The following SGCD variants were observed in gnomAD, a reference collection of about 807,000 sequenced individuals.
The protein encoded by SGCD is delta-sarcoglycan.
Under a neutral mutation model 36.6 loss-of-function variants are expected in SGCD, and 18 were observed. That is an observed-to-expected ratio of 0.49 (90% CI 0.34 to 0.73). The LOEUF is 0.73. Ranked by LOEUF, SGCD falls within the 30% of genes least tolerant of loss-of-function variation. SGCD has a pLI of 0.01. For synonymous variants in SGCD, 133 were observed against 130.6 expected (o/e 1.02, Z -0.12); for missense variants, 387 against 346.7 (o/e 1.12, Z -0.92).
chr5:156,396,957 C>T (rs1441395367), intron 3 of SGCD, among the ~76,000 whole-genome samples: 1 of 152,222 alleles, frequency 6.6e-6, no homozygotes, highest in Non-Finnish European at 1.5e-5. Flanking sequence ...GGTCCTACTG[C>T]CTCTCAGAAA....
intron 3 of SGCD, among the ~76,000 whole-genome samples, chr5:156,153,754 G>A (rs1256233246): frequency 6.6e-6 from 1 of 151,518 alleles, no homozygotes; most frequent in Non-Finnish European, 1.5e-5. Context: ...AGCTACACGT[G>A]GAAATCAATA....
intron 2 of SGCD, among the ~76,000 whole-genome samples, chr5:156,119,445 G>T (rs1342149734): frequency 6.6e-6 from 1 of 151,974 alleles, no homozygotes; most frequent in Non-Finnish European, 1.5e-5. Flanking sequence ...ACACATATTG[G>T]GAAGCATTGT....
intron 3 of SGCD, among the ~76,000 whole-genome samples, chr5:156,451,405 C>G (rs1474316289): frequency 6.6e-6 from 1 of 152,144 alleles, no homozygotes; most frequent in Non-Finnish European, 1.5e-5. Flanking sequence ...TATGTTCAGA[C>G]AGTCCCCAGG....
At chr5:155,947,993 C>G (rs1235814828) in intron 1 of SGCD, among the ~76,000 whole-genome samples, 1 of 152,056 alleles carries the variant, frequency 6.6e-6, no homozygotes, top group African/African-American at 2.4e-5. Context: ...GTTTAAAGTT[C>G]TAGCCTGGCA....
intron 4 of SGCD, among the ~76,000 whole-genome samples, chr5:156,562,348 G>A (rs994023068): frequency 1.2e-4 from 19 of 152,256 alleles, no homozygotes; most frequent in Admixed American, 1.2e-3. Context: ...ATTTAAGCAA[G>A]CACATGAAGG....
intron 2 of SGCD, among the ~76,000 whole-genome samples, chr5:156,339,987 T>C (rs1416859705): frequency 6.6e-6 from 1 of 152,226 alleles, no homozygotes; most frequent in Non-Finnish European, 1.5e-5. Flanking sequence ...GAAAGATAAT[T>C]ATTTTTATGG....
chr5:156,262,212 A>G (rs1457270543), intron 3 of SGCD, among the ~76,000 whole-genome samples: 2 of 152,098 alleles, frequency 1.3e-5, no homozygotes, highest in African/African-American at 2.4e-5. Flanking sequence ...TGCAAGCTCC[A>G]TTCATGGGAA....
At chr5:156,222,002 G>A (rs1202810600) in intron 3 of SGCD, among the ~76,000 whole-genome samples, 2 of 152,016 alleles carry the variant, frequency 1.3e-5, no homozygotes, top group Admixed American at 6.6e-5. Context: ...TTGTTTACAT[G>A]AACTGGATGT....
intron 7 of SGCD, among the ~76,000 whole-genome samples, chr5:156,753,487 G>A (rs1268619543): frequency 6.6e-6 from 1 of 152,200 alleles, no homozygotes; most frequent in African/African-American, 2.4e-5. Flanking sequence ...CTTCAGGAGT[G>A]ATGCTCTCTG....
Position 156,053,014 on chromosome 5 carries a change from G to A in SGCD, c.-281-64864G>A, listed in dbSNP as rs112658507. Among the ~76,000 whole-genome samples, 371 of 146,300 alleles carry A rather than the reference G, an allele frequency of 2.5e-3. 21 individuals carry two copies. The highest frequency in any genetic ancestry group is 8.9e-3 in the African/African-American group (361 of 40,734). ...TCCCTTCCCACAGGTCCACTGCCTC[G>A]TCCACAGCAAACAGGCAACCCCCAA... On this transcript the variant is annotated intron_variant, in intron 1 of 9. Coordinates refer to the SGCD transcript ENST00000517913.
chr5:156,454,087 A>T (rs189980350), intron 3 of SGCD, among the ~76,000 whole-genome samples: 1,541 of 152,210 alleles, frequency 0.01, 23 homozygotes, highest in African/African-American at 0.034. Flanking sequence ...ATACTTTTTT[A>T]AAAAAGTGTG....
chr5:156,330,261 G>T (rs1402159227), intron 2 of SGCD, among the ~76,000 whole-genome samples: 1 of 152,110 alleles, frequency 6.6e-6, no homozygotes, highest in African/African-American at 2.4e-5. Flanking sequence ...AAAATCTGAA[G>T]TCAGAAACAC....
chr5:156,320,950 T>A (rs1767647280), intron 3 of SGCD, among the ~76,000 whole-genome samples: 1 of 152,190 alleles, frequency 6.6e-6, no homozygotes, highest in Non-Finnish European at 1.5e-5. Flanking sequence ...AGGTATTATT[T>A]ATGAAATGAA....
At chr5:155,743,008 G>T in the SGCD span, among the ~76,000 whole-genome samples, 1 of 152,152 alleles carries the variant, frequency 6.6e-6, no homozygotes, top group Non-Finnish European at 1.5e-5. Flanking sequence ...TTGGGGGCAC[G>T]GAGCTTCCTT....
Position 156,161,865 on chromosome 5 carries a change from A to T in SGCD, c.-44+37846A>T, listed in dbSNP as rs528763675. Reference sequence around the variant, plus strand: ...TTTTATTCCAAAGTCACAAAGTCAGATGTATGAAAATGTAACTCTCTTTTT... The same window carrying T: ...TTTTATTCCAAAGTCACAAAGTCAGTTGTATGAAAATGTAACTCTCTTTTT... On this transcript the variant is annotated intron_variant, in intron 3 of 9. Transcript: ENST00000517913. 4.2e-4 allele frequency among the ~76,000 whole-genome samples: 64 copies of T among 151,750 alleles called. 4 individuals are homozygous for T. Among genetic ancestry groups the T allele is most frequent in the African/African-American group, 1.5e-3 (63 of 41,038 alleles).
intron 2 of SGCD, chr5:156,118,050 C>G (rs1761945017): frequency 6.6e-6 from 1 of 152,002 alleles, no homozygotes; most frequent in Admixed American, 6.6e-5. Flanking sequence ...AAAAATAGCC[C>G]CTGGTAATTT....
intron 1 of SGCD, among the ~76,000 whole-genome samples, chr5:156,044,969 C>G (rs189091207): frequency 3.3e-5 from 5 of 152,202 alleles, no homozygotes; most frequent in South Asian, 2.1e-4. Flanking sequence ...AATTGGCTCA[C>G]AGTTCTAGGG....
chr5:156,360,516 G>A (rs915304986), intron 3 of SGCD, among the ~76,000 whole-genome samples: 3 of 152,118 alleles, frequency 2.0e-5, no homozygotes, highest in Non-Finnish European at 4.4e-5. Flanking sequence ...CCAAAGTGCT[G>A]GAATTACAGG....
At chr5:156,268,492 G>A (rs1002004384) in intron 3 of SGCD, among the ~76,000 whole-genome samples, 1 of 152,150 alleles carries the variant, frequency 6.6e-6, no homozygotes, top group African/African-American at 2.4e-5. Context: ...ACCAGCATCT[G>A]TTATTTTTTG....
Sources: allele counts gnomAD v4.1 joint callset (sites outside exome capture counted in the v4.1 genomes callset), GRCh38; gene constraint gnomAD v4.1.1; transcripts MANE v1.5; gene names NCBI Gene and HGNC (gene_info 2026-07-23, HGNC 2026-07-21).